Variants in OGFOD3 observed in about 807,000 individuals in gnomAD.
OGFOD3 encodes 2-oxoglutarate and iron-dependent oxygenase domain-containing protein 3.
Under a neutral mutation model 39.8 loss-of-function variants are expected in OGFOD3, and 35 were observed. That is an observed-to-expected ratio of 0.88 (90% CI 0.67 to 1.17). OGFOD3 has a LOEUF of 1.17. OGFOD3 is among the 50% of genes most tolerant of loss of function. The pLI is 0.00. For missense variants in OGFOD3, 438 were observed against 454.5 expected, an observed-to-expected ratio of 0.96 and a Z score of 0.33; for synonymous variants, 200 against 192.0, an observed-to-expected ratio of 1.04 and a Z score of -0.34.
chr17:82,404,082 C>G lies in OGFOD3; in HGVS notation c.554G>C (p.Arg185Pro), dbSNP rs762940701. 1 of 1,596,356 alleles carries G rather than the reference C, an allele frequency of 6.3e-7. No individual in the cohort carries two copies. The highest frequency in any genetic ancestry group is 1.1e-5 in the South Asian group (1 of 88,342). Residue 185 changes from arginine (R) to proline (P), a missense_variant, in exon 7 of 9, where the codon CGG becomes CCG. Transcript: ENST00000313056. This position sits in a 1 kb window ranked among gnomAD's most constrained non-coding sequence, Gnocchi z 4.5. ...EEDFRLYREVRQKVQLTIAEA... is the reference protein window; with the variant it reads ...EEDFRLYREVPQKVQLTIAEA... ...AGCAATGGTGAGCTGGACCTTCTGCCGCACCTCCCTGCAGAGGACACAATA... is the reference window on the plus strand; with the variant it reads ...AGCAATGGTGAGCTGGACCTTCTGCGGCACCTCCCTGCAGAGGACACAATA...
At chr17:82,408,830 T>G (rs554225930) in intron 4 of OGFOD3, among the ~76,000 whole-genome samples, 9 of 152,304 alleles carry the variant, frequency 5.9e-5, no homozygotes, top group African/African-American at 2.2e-4. Flanking sequence ...CCAAATCAGA[T>G]CATGTCCACG....
intron 7 of OGFOD3, among the ~76,000 whole-genome samples, chr17:82,400,546 A>G (rs1314216983): frequency 2.0e-5 from 3 of 152,318 alleles, no homozygotes; most frequent in South Asian, 4.1e-4. Flanking sequence ...ATTCTTATGC[A>G]TTCGTTTTTA....
At position 82,400,127 on chromosome 17, in the gene OGFOD3, C is replaced by T. The variant is rs548791256; in HGVS notation, c.700-1808G>A. ...CTGGGGCCCAGCCCCCAGTCCGACC[C>T]GCCAATATCCACCTCACATAATCCG... is the stretch of plus-strand genomic sequence containing the variant. On this transcript the variant is annotated intron_variant, in intron 7 of 8. Coordinates refer to ENST00000313056, the MANE Select transcript of OGFOD3 (RefSeq NM_024648.3). 8.7e-4 allele frequency among the ~76,000 whole-genome samples: 133 copies of T among 152,308 alleles called. No homozygotes were observed. The Middle Eastern group carries it at 0.014, about 16-fold the overall frequency.
Position 82,390,426 on chromosome 17 carries a change from C to G in OGFOD3, c.*1972G>C. On this transcript the variant is annotated 3_prime_UTR_variant, in exon 9 of 9. Coordinates refer to ENST00000313056, the MANE Select transcript of OGFOD3 (RefSeq NM_024648.3). This position sits in a 1 kb window ranked among gnomAD's most constrained non-coding sequence, Gnocchi z 4.9. ...AGAGTGTCCGTGAAGCAGCCGGCCC[C>G]GCAAGGACGGCTTTGGCCACCAACC... 6.6e-6 allele frequency: 1 copy of G among 152,394 alleles called. No homozygotes were observed. The highest frequency in any genetic ancestry group is 1.5e-5 in the Non-Finnish European group (1 of 68,166). The allele number at this position is 152,394 out of a possible 1,614,324, so 9.4% of individuals were successfully genotyped here. A position where few individuals can be genotyped will look rare whatever the true frequency, so the allele number is the denominator to read the frequency against.
intron 2 of OGFOD3, among the ~76,000 whole-genome samples, chr17:82,414,638 C>A (rs2053003650): frequency 6.6e-6 from 1 of 152,204 alleles, no homozygotes; most frequent in Non-Finnish European, 1.5e-5. Context: ...CTCCCTGCGG[C>A]GCGGCTGGGA....
chr17:82,405,285 C>G (rs769427079), intron 6 of OGFOD3, 39 bp downstream of exon 6: 1 of 1,586,954 alleles, frequency 6.3e-7, no homozygotes, highest in Non-Finnish European at 8.6e-7. Flanking sequence ...CCCCAGGCCA[C>G]CCCGCCTGCG....
In OGFOD3 at chr17:82,415,458, C is replaced by T; in HGVS notation, c.244G>A (p.Ala82Thr). The change falls in exon 2 of 9, where the codon GCA becomes ACA. Residue 82 changes from alanine to threonine, a missense_variant. Ala to Thr is a moderately conservative substitution (Grantham distance 58). Transcript: ENST00000313056. The surrounding 1 kb of genome is among the most constrained non-coding windows in gnomAD (Gnocchi z 5.3). ...EVLARRGEVV[A>T]GRFIEVPCSE... ...CAGGGCACCTCGATGAATCTCCCTG[C>T]CACGACCTCGCCACGGCGGGCCAGG... The T allele has an allele frequency of 6.2e-7, 1 of 1,614,094 alleles. No homozygotes were observed. Among genetic ancestry groups the T allele is most frequent in the Non-Finnish European group, 8.5e-7 (1 of 1,180,002 alleles).
Position 82,404,216 on chromosome 17 carries a change from C to T in OGFOD3, c.546-126G>A, listed in dbSNP as rs2052816801. On this transcript the variant is annotated intron_variant, in intron 6 of 8. Transcript: ENST00000313056. This position sits in a 1 kb window ranked among gnomAD's most constrained non-coding sequence, Gnocchi z 4.5. ...CTCCGGGCCCGCGGGGCGGGGGCTC[C>T]CAAGCACACCGGGAACAGATACCGG... 3.7e-6 allele frequency: 4 copies of T among 1,073,616 alleles called. No individual in the cohort carries two copies. The highest frequency in any genetic ancestry group is 5.2e-5 in the East Asian group (2 of 38,152). The allele number at this position is 1,073,616 out of a possible 1,614,324, so 66.5% of individuals were successfully genotyped here.
At position 82,404,114 on chromosome 17, in the gene OGFOD3, A is replaced by G; in HGVS notation, c.546-24T>C. On this transcript the variant is annotated intron_variant, in intron 6 of 8. Transcript: ENST00000313056. The surrounding 1 kb of genome is among the most constrained non-coding windows in gnomAD (Gnocchi z 4.5). Reference sequence around the variant, plus strand: ...CCCTGCAGAGGACACAATAGCCGTCAGCGCAGCCCCAGGCGGGAGGGGACG... The same window carrying G: ...CCCTGCAGAGGACACAATAGCCGTCGGCGCAGCCCCAGGCGGGAGGGGACG... 6.4e-7 allele frequency: 1 copy of G among 1,552,724 alleles called. No individual in the cohort carries two copies. Among genetic ancestry groups the G allele is most frequent in the East Asian group, 2.3e-5 (1 of 43,594 alleles).
At chr17:82,405,567 C>T (rs1400320276) in intron 5 of OGFOD3, among the ~76,000 whole-genome samples, 187 bp from the exon 6 acceptor site, 1 of 152,238 alleles carries the variant, frequency 6.6e-6, no homozygotes, top group African/African-American at 2.4e-5. Flanking sequence ...GTAATCCCAG[C>T]ACTCTGGGAG....
chr17:82,398,111 C>T (rs2052705580), intron 8 of OGFOD3, 85 bp downstream of exon 8: 1 of 1,542,574 alleles, frequency 6.5e-7, no homozygotes, highest in Non-Finnish European at 8.9e-7. Flanking sequence ...TGAACTCAGC[C>T]TCGCTCCCAG....
intron 8 of OGFOD3, among the ~76,000 whole-genome samples, chr17:82,397,135 T>C (rs1313793127): frequency 6.6e-6 from 1 of 151,954 alleles, no homozygotes; most frequent in Admixed American, 6.6e-5. Context: ...AGTCGTAAAC[T>C]AACCTGAGAA....
At position 82,418,572 on chromosome 17, in the gene OGFOD3, C is replaced by G. The variant is rs1331099427; in HGVS notation, c.-87G>C. On this transcript the variant is annotated 5_prime_UTR_variant, in exon 1 of 9. Coordinates refer to ENST00000313056, the MANE Select transcript of OGFOD3 (RefSeq NM_024648.3). ...AACAGGGAGCGCGAGGCAGGCACGG[C>G]GCAGGGACGCGAGTGCGACGCGCTC... The G allele has an allele frequency of 9.2e-6, 6 of 654,346 alleles. No individual in the cohort carries two copies. Among genetic ancestry groups the G allele is most frequent in the Non-Finnish European group, 1.3e-5 (6 of 466,934 alleles). 40.5% of individuals were successfully genotyped at this position (654,346 alleles called of 1,614,324 possible).
At chr17:82,413,687 T>C (rs1419545009) in intron 2 of OGFOD3, among the ~76,000 whole-genome samples, 5 of 151,888 alleles carry the variant, frequency 3.3e-5, no homozygotes, top group Admixed American at 6.6e-5. Flanking sequence ...CTGGGCAACA[T>C]AGGCAAAACA....
chr17:82,392,546 GA>G lies in OGFOD3; in HGVS notation c.824-13del. The G allele has an allele frequency of 1.3e-6, 2 of 1,575,894 alleles. No individual in the cohort carries two copies. The highest frequency in any genetic ancestry group is 1.7e-6 in the Non-Finnish European group (2 of 1,161,180). On this transcript the variant is annotated splice_polypyrimidine_tract_variant and intron_variant, in intron 8 of 8. Transcript: ENST00000313056. This position sits in a 1 kb window ranked among gnomAD's most constrained non-coding sequence, Gnocchi z 4.2. ...GAAGGAGACGCGACCTGGGAGAGGAGAAGAGAGAGAGGTGGCCATAGAGCCA... is the reference window on the plus strand; with the variant it reads ...GAAGGAGACGCGACCTGGGAGAGGAGAGAGAGAGAGGTGGCCATAGAGCCA...
At chr17:82,398,870 G>C (rs2052719351) in intron 7 of OGFOD3, among the ~76,000 whole-genome samples, 1 of 142,140 alleles carries the variant, frequency 7.0e-6, no homozygotes, top group South Asian at 2.4e-4. Flanking sequence ...ACTACAACCA[G>C]CTAATTTTTT....
Position 82,406,991 on chromosome 17 carries a change from G to A in OGFOD3, c.424-509C>T, listed in dbSNP as rs2052866153. Among the ~76,000 whole-genome samples the A allele has an allele frequency of 6.6e-6, 1 of 152,174 alleles. No individual in the cohort carries two copies. Among genetic ancestry groups the A allele is most frequent in the African/African-American group, 2.4e-5 (1 of 41,440 alleles). On this transcript the variant is annotated intron_variant, in intron 4 of 8. Transcript: ENST00000313056. This position sits in a 1 kb window ranked among gnomAD's most constrained non-coding sequence, Gnocchi z 5.2. ...CCAGCACTTTGGGAGGCTGAGACAGGTGGATTGCTTGAGGCCAGGAGTTCA... is the reference window on the plus strand; with the variant it reads ...CCAGCACTTTGGGAGGCTGAGACAGATGGATTGCTTGAGGCCAGGAGTTCA...
chr17:82,394,316 C>G (rs2052636993), intron 8 of OGFOD3: 2 of 1,523,966 alleles, frequency 1.3e-6, no homozygotes, highest in Non-Finnish European at 1.8e-6. Flanking sequence ...TAGTAAATGA[C>G]TATTAGATTA....
chr17:82,394,859 C>A (rs981411759), intron 8 of OGFOD3, among the ~76,000 whole-genome samples: 2 of 152,154 alleles, frequency 1.3e-5, no homozygotes, highest in Non-Finnish European at 2.9e-5. Context: ...CCCTGGACAC[C>A]AAGGCTCGGC....
Sources: gnomAD v4.1 joint callset for allele counts (sites outside exome capture counted in the v4.1 genomes callset) on GRCh38, gnomAD v4.1.1 for gene constraint, Gnocchi (gnomAD v3.1) non-coding constraint, MANE v1.5 for transcripts, NCBI Gene and HGNC (gene_info 2026-07-23, HGNC 2026-07-21) for gene names.